The following APLP2 variants were observed in gnomAD, a reference collection of about 807,000 sequenced individuals.
The protein encoded by APLP2 is amyloid beta precursor like protein 2.
Under a neutral mutation model 89.9 loss-of-function variants are expected in APLP2, and 53 were observed. The observed-to-expected ratio is 0.59, with a 90% CI of 0.47 to 0.74. The LOEUF is 0.74. Ranked by LOEUF, APLP2 falls within the 30% of genes least tolerant of loss-of-function variation. APLP2 has a pLI of 0.00. For synonymous variants in APLP2, 372 were observed against 348.6 expected (o/e 1.07, Z -0.75); for missense variants, 973 against 975.9 (o/e 1.00, Z 0.04).
At chr11:130,110,722 T>G in intron 3 of APLP2, 61 bp downstream of exon 3, 2 of 1,517,196 alleles carry the variant, frequency 1.3e-6, no homozygotes, top group Non-Finnish European at 1.8e-6. Context: ...AATTTAATTT[T>G]CTCTTGGCTC....
chr11:130,142,165 G>A (rs1207667481), intron 16 of APLP2, 91 bp downstream of exon 16: 22 of 1,361,842 alleles, frequency 1.6e-5, no homozygotes, highest in South Asian at 4.6e-5. Flanking sequence ...TTCACTCCTC[G>A]AGTACTGGAC....
At chr11:130,119,773 G>A (rs888608550) in intron 3 of APLP2, among the ~76,000 whole-genome samples, 8 of 152,120 alleles carry the variant, frequency 5.3e-5, no homozygotes, top group Non-Finnish European at 1.2e-4. Flanking sequence ...GGGATATCAC[G>A]ACAGTTCATT....
At chr11:130,136,312 C>T (rs1951593514) in intron 13 of APLP2, among the ~76,000 whole-genome samples, 1 of 152,178 alleles carries the variant, frequency 6.6e-6, no homozygotes, top group Admixed American at 6.5e-5. Context: ...GCTGTTGCTG[C>T]TGACAGGGTA....
chr11:130,098,946 G>A (rs544608845), intron 1 of APLP2, among the ~76,000 whole-genome samples: 2 of 152,258 alleles, frequency 1.3e-5, no homozygotes, highest in South Asian at 4.1e-4. Flanking sequence ...GTACTTCTGA[G>A]TGTTACTTGA....
intron 3 of APLP2, among the ~76,000 whole-genome samples, chr11:130,118,439 G>A (rs1182458473): frequency 6.6e-6 from 1 of 152,204 alleles, no homozygotes; most frequent in African/African-American, 2.4e-5. Context: ...GGACAGAAAG[G>A]TTAAGTAACT....
At chr11:130,140,515 T>A (rs949221735) in intron 14 of APLP2, 32 bp downstream of exon 14, 1 of 1,561,196 alleles carries the variant, frequency 6.4e-7, no homozygotes, top group African/African-American at 1.4e-5. Context: ...CCCAACACGC[T>A]TTACTTTTGA....
At chr11:130,093,014 T>A (rs147620231) in intron 1 of APLP2, among the ~76,000 whole-genome samples, 1 of 152,074 alleles carries the variant, frequency 6.6e-6, no homozygotes, top group Non-Finnish European at 1.5e-5. Context: ...ATGTGAGCAT[T>A]TAGCCCCCTG....
At chr11:130,075,787 C>G (rs917862251) in intron 1 of APLP2, among the ~76,000 whole-genome samples, 5 of 152,204 alleles carry the variant, frequency 3.3e-5, no homozygotes, top group African/African-American at 7.2e-5. Context: ...GCCTACTGCT[C>G]TGTCCTGTCA....
At chr11:130,125,309 T>C (rs1241339041) in intron 7 of APLP2, among the ~76,000 whole-genome samples, 2 of 152,158 alleles carry the variant, frequency 1.3e-5, no homozygotes, top group African/African-American at 4.8e-5. Flanking sequence ...CTTTTTCCAG[T>C]CCAGCAATGT....
At chr11:130,107,850 C>CT (rs1297540981) in intron 1 of APLP2, among the ~76,000 whole-genome samples, 2 of 152,202 alleles carry the variant, frequency 1.3e-5, no homozygotes, top group Admixed American at 1.3e-4. Flanking sequence ...CAGCATGGTA[C>CT]TGGTACCAAA....
chr11:130,082,957 C>G (rs1342386983), intron 1 of APLP2, among the ~76,000 whole-genome samples: 6 of 151,352 alleles, frequency 4.0e-5, no homozygotes, highest in Admixed American at 6.6e-5. Context: ...GCCTAAAGTC[C>G]ACAGATCTTT....
intron 13 of APLP2, chr11:130,137,137 T>A: frequency 1.1e-6 from 1 of 892,936 alleles, no homozygotes; most frequent in Non-Finnish European, 1.8e-6. Context: ...TAAGGAGGAA[T>A]ACTTTTTGTT....
chr11:130,095,182 A>G (rs1259124356), intron 1 of APLP2, among the ~76,000 whole-genome samples: 2 of 152,048 alleles, frequency 1.3e-5, no homozygotes, highest in Admixed American at 1.3e-4. Context: ...AGGATTGCCT[A>G]ACACCAGTAA....
intron 1 of APLP2, among the ~76,000 whole-genome samples, chr11:130,103,959 C>T (rs1261446559): frequency 6.6e-6 from 1 of 152,098 alleles, no homozygotes; most frequent in African/African-American, 2.4e-5. Context: ...ACATTCCTTC[C>T]GACCTGTAGA....
At chr11:130,143,220 G>T in intron 16 of APLP2, 127 bp from the exon 17 acceptor site, 1 of 803,954 alleles carries the variant, frequency 1.2e-6, no homozygotes, top group Non-Finnish European at 2.1e-6. Context: ...TGGCCTGTCC[G>T]GTGGGAACGG....
In APLP2 at chr11:130,123,881, C is replaced by T; in HGVS notation, c.1090+102C>T. 1.5e-6 allele frequency: 2 copies of T among 1,330,810 alleles called. No homozygotes were observed. Among genetic ancestry groups the T allele is most frequent in the Non-Finnish European group, 1.0e-6 (1 of 957,066 alleles). 82.4% of individuals were successfully genotyped at this position (1,330,810 alleles called of 1,614,324 possible). On this transcript the variant is annotated intron_variant, in intron 7 of 16. Coordinates refer to ENST00000338167, the MANE Select transcript of APLP2 (RefSeq NM_001142276.2). This position sits in a 1 kb window ranked among gnomAD's most constrained non-coding sequence, Gnocchi z 4.0. ...TGCATCTGTGTGGTGTCCCTGCCCA[C>T]TCGGGTGTTTGCTGTCGGTCGTCTT...
At position 130,123,722 on chromosome 11, in the gene APLP2, G is replaced by C; in HGVS notation, c.1033G>C (p.Gly345Arg). Residue 345 changes from glycine (G) to arginine (R), a missense_variant, in exon 7 of 17, where the codon GGC (glycine) becomes CGC (arginine). By Grantham distance (125) the Gly-to-Arg change is moderately radical. Transcript: ENST00000338167. This position sits in a 1 kb window ranked among gnomAD's most constrained non-coding sequence, Gnocchi z 4.0. ...CVRFIYGGCG[G>R]NRNNFESEDY... ...GCGCTTTATATATGGTGGCTGCGGC[G>C]GCAACAGGAACAATTTTGAGTCTGA... is the stretch of plus-strand genomic sequence containing the variant. 6.2e-7 allele frequency: 1 copy of C among 1,614,240 alleles called. No individual in the cohort carries two copies. The highest frequency in any genetic ancestry group is 8.5e-7 in the Non-Finnish European group (1 of 1,180,048).
chr11:130,070,431 G>T, intron 1 of APLP2: 17 of 367,486 alleles, frequency 4.6e-5, no homozygotes, highest in South Asian at 1.2e-4. Flanking sequence ...CCGGGACAAT[G>T]CCAGGGCGCT....
chr11:130,127,416 C>CCCAT (rs1950506538), intron 8 of APLP2, among the ~76,000 whole-genome samples: 2 of 152,192 alleles, frequency 1.3e-5, no homozygotes, highest in South Asian at 4.1e-4. Flanking sequence ...CCCACACAGT[C>CCCAT]CCATGTTGGG....
Sources: gnomAD v4.1 joint callset for allele counts (sites outside exome capture counted in the v4.1 genomes callset) on GRCh38, gnomAD v4.1.1 for gene constraint, Gnocchi (gnomAD v3.1) non-coding constraint, MANE v1.5 for transcripts, NCBI Gene and HGNC (gene_info 2026-07-23, HGNC 2026-07-21) for gene names.